The following LNPK variants were observed in gnomAD, a reference collection of about 807,000 sequenced individuals.
LNPK encodes the protein endoplasmic reticulum junction formation protein lunapark.
Under a neutral mutation model 55.2 loss-of-function variants are expected in LNPK, and 29 were observed. The observed-to-expected ratio is 0.53, with a 90% CI of 0.39 to 0.72. LNPK has a LOEUF of 0.72. Among genes scored for constraint, LNPK ranks in the 30% least tolerant of loss-of-function variants. The pLI is 0.00. For synonymous variants in LNPK, 162 were observed against 168.2 expected, an observed-to-expected ratio of 0.96 and a Z score of 0.29; for missense variants, 467 against 494.8, an observed-to-expected ratio of 0.94 and a Z score of 0.53.
intron 6 of LNPK, among the ~76,000 whole-genome samples, chr2:175,966,114 A>T (rs1686330369): frequency 6.6e-6 from 1 of 152,164 alleles, no homozygotes; most frequent in African/African-American, 2.4e-5. Context: ...TCTGTCACCC[A>T]GGCTGGAGTG....
At chr2:175,987,902 G>A (rs1437848587) in intron 4 of LNPK, among the ~76,000 whole-genome samples, 4 of 152,160 alleles carry the variant, frequency 2.6e-5, no homozygotes, top group Non-Finnish European at 5.9e-5. Context: ...GAATCACACA[G>A]AGGACAGCGT....
chr2:175,937,540 C>G, intron 11 of LNPK, 26 bp from the exon 12 acceptor site: 2 of 1,576,448 alleles, frequency 1.3e-6, no homozygotes, highest in Non-Finnish European at 1.7e-6. Flanking sequence ...TAAAAATAAG[C>G]AAAACCACAA....
intron 3 of LNPK, 21 bp downstream of exon 3, chr2:175,993,161 C>G (rs1687777745): frequency 1.4e-6 from 2 of 1,456,500 alleles, no homozygotes; most frequent in East Asian, 4.7e-5. Context: ...AATTAAAATA[C>G]CTCACAGCCA....
intron 2 of LNPK, among the ~76,000 whole-genome samples, chr2:175,994,916 T>TA (rs1687862953): frequency 3.3e-4 from 2 of 6,076 alleles, no homozygotes; most frequent in South Asian, 8.4e-3. Context: ...TGTATAGAAT[T>TA]TTTTTTTTTT....
At chr2:175,930,652 T>A (rs1217432835) in intron 12 of LNPK, among the ~76,000 whole-genome samples, 1 of 136,516 alleles carries the variant, frequency 7.3e-6, no homozygotes, top group African/African-American at 2.7e-5. Flanking sequence ...TGTAAATGTG[T>A]ACTTTGTGGG....
At chr2:175,937,591 T>C in intron 11 of LNPK, 77 bp from the exon 12 acceptor site, 2 of 1,035,960 alleles carry the variant, frequency 1.9e-6, no homozygotes, top group East Asian at 2.6e-5. Flanking sequence ...ACTCACAAGA[T>C]CACTTTTGCA....
chr2:175,969,084 G>A (rs190172124), intron 6 of LNPK, among the ~76,000 whole-genome samples: 1 of 151,518 alleles, frequency 6.6e-6, no homozygotes, highest in Non-Finnish European at 1.5e-5. Flanking sequence ...TTAAAGGCTT[G>A]AACAGTCAAG....
rs773161506 is a variant in LNPK, at chr2:175,937,330, T to A, written c.1054+14A>T. Reference sequence around the variant, plus strand: ...CATGTTATTAAGGGGCAAAACTGTTTAACATATTCATACCTTCATTAAACT... The same window carrying A: ...CATGTTATTAAGGGGCAAAACTGTTAAACATATTCATACCTTCATTAAACT... On this transcript the variant is annotated intron_variant, in intron 12 of 12. Coordinates refer to ENST00000272748, the MANE Select transcript of LNPK (RefSeq NM_030650.3). 6.2e-7 allele frequency: 1 copy of A among 1,608,010 alleles called. No individual in the cohort carries two copies. Among genetic ancestry groups the A allele is most frequent in the Admixed American group, 1.7e-5 (1 of 58,968 alleles).
intron 4 of LNPK, among the ~76,000 whole-genome samples, chr2:175,986,412 C>T (rs1687414553): frequency 6.6e-6 from 1 of 151,750 alleles, no homozygotes; most frequent in Non-Finnish European, 1.5e-5. Context: ...GATTATAACT[C>T]CCTCCAAAAA....
At chr2:175,985,251 T>C (rs557274229) in intron 4 of LNPK, among the ~76,000 whole-genome samples, 51 of 152,282 alleles carry the variant, frequency 3.3e-4, no homozygotes, top group African/African-American at 1.2e-3. Context: ...AGGAGCCTTG[T>C]GGTGATGGAA....
chr2:175,939,739 A>C, intron 9 of LNPK, 82 bp from the exon 10 acceptor site: 6 of 611,036 alleles, frequency 9.8e-6, no homozygotes, highest in Non-Finnish European at 1.4e-5. Context: ...AACTACCTAT[A>C]CTTGTTAGAA....
intron 1 of LNPK, 118 bp from the exon 2 acceptor site, chr2:175,995,764 A>G (rs935250085): frequency 4.1e-5 from 10 of 245,406 alleles, no homozygotes; most frequent in Admixed American, 5.6e-5. Context: ...TGCCACATAT[A>G]TGGAATTTGA....
At chr2:175,979,022 A>G (rs962600905) in intron 5 of LNPK, among the ~76,000 whole-genome samples, 1 of 152,152 alleles carries the variant, frequency 6.6e-6, no homozygotes, top group African/African-American at 2.4e-5. Context: ...AAACAAATAA[A>G]ATTTTTTTAA....
rs757807998 is a variant in LNPK, at chr2:175,947,482, A to G, written c.704T>C (p.Met235Thr). 6.2e-6 allele frequency: 10 copies of G among 1,612,222 alleles called. No homozygotes were observed. In the Admixed American group the frequency reaches 1.3e-4, roughly 21 times the overall value. ...LGSPATSVPG[M>T]GLHPPGPPLA... ...ATAACATTAAGTGCTCTGTTTACCC[A>G]TTCCAGGCACTGAAGTAGCAGGGGA... The change falls in exon 9 of 13, where the codon ATG (methionine) becomes ACG (threonine). Residue 235 changes from methionine to threonine, a missense_variant and splice_region_variant. Met to Thr is a moderately conservative substitution (Grantham distance 81, BLOSUM62 -1). Coordinates refer to ENST00000272748, the MANE Select transcript of LNPK (RefSeq NM_030650.3).
intron 10 of LNPK, among the ~76,000 whole-genome samples, chr2:175,939,221 T>C (rs970759139): frequency 1.3e-5 from 2 of 152,172 alleles, no homozygotes; most frequent in Non-Finnish European, 2.9e-5. Context: ...CCAAGTCCAG[T>C]ACTGATACCT....
chr2:175,955,638 T>C (rs1685655406), intron 8 of LNPK, among the ~76,000 whole-genome samples: 1 of 152,324 alleles, frequency 6.6e-6, no homozygotes, highest in African/African-American at 2.4e-5. Flanking sequence ...AAGGCATTTT[T>C]CACGTTCTCT....
At chr2:175,966,683 C>T (rs1440201804) in intron 6 of LNPK, among the ~76,000 whole-genome samples, 1 of 152,198 alleles carries the variant, frequency 6.6e-6, no homozygotes, top group Non-Finnish European at 1.5e-5. Context: ...AATTAACACA[C>T]ATCCATACAA....
At chr2:175,941,373 A>C (rs940112938) in intron 9 of LNPK, among the ~76,000 whole-genome samples, 1 of 151,748 alleles carries the variant, frequency 6.6e-6, no homozygotes, top group Non-Finnish European at 1.5e-5. Context: ...TAAATAATGC[A>C]TATTTTCCAA....
intron 9 of LNPK, among the ~76,000 whole-genome samples, chr2:175,941,850 A>C (rs977544824): frequency 2.9e-4 from 40 of 135,972 alleles, no homozygotes; most frequent in African/African-American, 6.1e-4. Flanking sequence ...AAAAAAAAAA[A>C]CAAAAAAAAA....
Sources: gnomAD v4.1 joint callset for allele counts (sites outside exome capture counted in the v4.1 genomes callset) on GRCh38, gnomAD v4.1.1 for gene constraint, MANE v1.5 for transcripts, NCBI Gene and HGNC (gene_info 2026-07-23, HGNC 2026-07-21) for gene names.